DOCK6: variants seen among roughly 807,000 people sequenced by gnomAD.
DOCK6 encodes dedicator of cytokinesis 6.
DOCK6 carries 167 observed loss-of-function variants against 230.3 expected under a neutral mutation model. The observed-to-expected ratio is 0.73, with a 90% CI of 0.64 to 0.82. DOCK6 has a LOEUF of 0.82. Among genes scored for constraint, DOCK6 ranks in the 40% least tolerant of loss-of-function variants. The pLI, the probability that DOCK6 is intolerant of heterozygous loss-of-function variation, is 0.00. For synonymous variants in DOCK6, 1,148 were observed against 1,185.0 expected (o/e 0.97, Z 0.64); for missense variants, 2,598 against 2,825.8 (o/e 0.92, Z 1.83).
chr19:11,239,092 C>T (rs767194281), intron 14 of DOCK6, among the ~76,000 whole-genome samples: 7 of 152,122 alleles, frequency 4.6e-5, no homozygotes, highest in Admixed American at 1.3e-4. Context: ...CAATCACCCA[C>T]GGAGTAAAAT....
At chr19:11,232,737 T>C (rs1338353609) in intron 22 of DOCK6, among the ~76,000 whole-genome samples, 1 of 152,038 alleles carries the variant, frequency 6.6e-6, no homozygotes, top group Non-Finnish European at 1.5e-5. Context: ...TACGTGCCCA[T>C]GTACATATAT....
chr19:11,211,056 A>C, intron 37 of DOCK6, among the ~76,000 whole-genome samples: 5 of 145,630 alleles, frequency 3.4e-5, no homozygotes, highest in African/African-American at 5.2e-5. Context: ...CATCCATCCT[A>C]CTCACCTGTC....
chr19:11,222,108 C>T lies in DOCK6; in HGVS notation c.3380+1G>A. ...TGGGGCTAGACAGGAGCTCTGCTCA[C>T]CCTTCAGCCTCAGGTTCGAGGGCCA... On this transcript the variant is annotated splice_donor_variant, in intron 27 of 47. Transcript: ENST00000294618. LOFTEE classifies it high-confidence loss of function. This position sits in a 1 kb window ranked among gnomAD's most constrained non-coding sequence, Gnocchi z 4.0. The T allele has an allele frequency of 6.2e-7, 1 of 1,612,898 alleles. No individual in the cohort carries two copies. Among genetic ancestry groups the T allele is most frequent in the Non-Finnish European group, 8.5e-7 (1 of 1,179,422 alleles).
intron 1 of DOCK6, among the ~76,000 whole-genome samples, chr19:11,254,886 G>C (rs1486757611): frequency 6.6e-6 from 1 of 152,212 alleles, no homozygotes; most frequent in Non-Finnish European, 1.5e-5. Context: ...CAGGTGCAAA[G>C]GACCTGAGTT....
intron 39 of DOCK6, among the ~76,000 whole-genome samples, chr19:11,206,827 TGTG>T (rs1384527902): frequency 3.6e-5 from 3 of 84,038 alleles, no homozygotes; most frequent in Non-Finnish European, 4.7e-5. Flanking sequence ...AGCTGGGATT[TGTG>T]GTGGTTTTTT....
In DOCK6 at chr19:11,237,732, A is replaced by T; in HGVS notation, c.1880T>A (p.Val627Glu). The T allele has an allele frequency of 6.3e-7, 1 of 1,581,198 alleles. No individual in the cohort carries two copies. Among genetic ancestry groups the T allele is most frequent in the Admixed American group, 1.8e-5 (1 of 54,324 alleles). The change falls in exon 17 of 48, where the codon GTG (valine) becomes GAG (glutamate). Residue 627 changes from valine to glutamate, a missense_variant. Physicochemically the swap from Val to Glu is moderately radical, Grantham distance 121 (BLOSUM62 -2). Transcript: ENST00000294618. Reference sequence around the variant, plus strand: ...GAACAGCAGGTGATGGTTCTCTGTCACGCAGGCTGGAAGATGCAGCTTGAA... The same window carrying T: ...GAACAGCAGGTGATGGTTCTCTGTCTCGCAGGCTGGAAGATGCAGCTTGAA... ...EEFKLHLPAC[V>E]TENHHLLFTF...
chr19:11,228,849 AC>A, intron 23 of DOCK6, 90 bp downstream of exon 23: 1 of 1,275,528 alleles, frequency 7.8e-7, no homozygotes, highest in Non-Finnish European at 1.1e-6. Context: ...GGTGTGAGCC[AC>A]TATGCCTGGC....
Position 11,262,469 on chromosome 19 carries a change from G to C in DOCK6, c.-29C>G. 2.6e-6 allele frequency: 3 copies of C among 1,150,656 alleles called. No homozygotes were observed. Among genetic ancestry groups the C allele is most frequent in the East Asian group, 4.0e-5 (1 of 24,804 alleles). The allele number at this position is 1,150,656 out of a possible 1,614,324, so 71.3% of individuals were successfully genotyped here. On this transcript the variant is annotated 5_prime_UTR_variant, in exon 1 of 48. Transcript: ENST00000294618. ...CCTCGCGTCCCGCCGCCGCCGCCCCGGGCCCCGGCCCCGCCGCCGCCGCCG... is the reference window on the plus strand; with the variant it reads ...CCTCGCGTCCCGCCGCCGCCGCCCCCGGCCCCGGCCCCGCCGCCGCCGCCG...
At chr19:11,251,142 CT>C in intron 5 of DOCK6, 56 bp from the exon 6 acceptor site, 1 of 1,496,188 alleles carries the variant, frequency 6.7e-7, no homozygotes, top group Non-Finnish European at 9.1e-7. Context: ...CTTCACCTCA[CT>C]CTGGTGAGAG....
intron 5 of DOCK6, chr19:11,251,912 C>T (rs537282078): frequency 2.9e-6 from 2 of 680,660 alleles, no homozygotes; most frequent in South Asian, 3.9e-5. Context: ...AGGATGAAAG[C>T]AGAGGACACA....
intron 39 of DOCK6, 35 bp downstream of exon 39, chr19:11,208,651 G>A (rs778636637): frequency 2.2e-5 from 35 of 1,590,466 alleles, no homozygotes; most frequent in East Asian, 9.0e-5. Flanking sequence ...CCTGGCCCGA[G>A]CCCCCTCTCC....
rs1372903813 is a variant in DOCK6 at position 11,237,640 on chromosome 19, C to T, written c.1971+1G>A. ...GGGGAGGGAGGGAGGGGACGGCTCA[C>T]AGTAAAGCCCACGGGTGTCTCCAGG... On this transcript the variant is annotated splice_donor_variant, in intron 17 of 47. Coordinates refer to ENST00000294618, the MANE Select transcript of DOCK6 (RefSeq NM_020812.4). LOFTEE classifies it high-confidence loss of function. The T allele has an allele frequency of 6.3e-7, 1 of 1,595,022 alleles. No homozygotes were observed. The highest frequency in any genetic ancestry group is 1.8e-5 in the Admixed American group (1 of 56,702).
chr19:11,243,543 C>A lies in DOCK6; in HGVS notation c.1258+14G>T, dbSNP rs770865631. 2 of 1,587,706 alleles carry A rather than the reference C, an allele frequency of 1.3e-6. No individual in the cohort carries two copies. The highest frequency in any genetic ancestry group is 1.8e-5 in the Admixed American group (1 of 56,472). ...TTTAGCCCCGCCCCAAGCCTGTTAG[C>A]CCCGCCTCCTCACCGCCCTCCGAGT... On this transcript the variant is annotated intron_variant, in intron 11 of 47. Coordinates refer to ENST00000294618, the MANE Select transcript of DOCK6 (RefSeq NM_020812.4). The surrounding 1 kb of genome is among the most constrained non-coding windows in gnomAD (Gnocchi z 6.3).
In DOCK6 at chr19:11,259,683, G is replaced by A. The variant is rs573463762; in HGVS notation, c.44+2714C>T. On this transcript the variant is annotated intron_variant, in intron 1 of 47. Transcript: ENST00000294618. Reference sequence around the variant, plus strand: ...AGCAATTCTCCTGCCTAAGCCTCCCGAGTAGCTGGGATTACAGGCGTGCGT... The same window carrying A: ...AGCAATTCTCCTGCCTAAGCCTCCCAAGTAGCTGGGATTACAGGCGTGCGT... Among the ~76,000 whole-genome samples, 4 of 147,114 alleles carry A rather than the reference G, an allele frequency of 2.7e-5. No individual in the cohort carries two copies. The East Asian group carries it at 6.1e-4, about 22-fold the overall frequency.
At chr19:11,229,487 G>A (rs552967347) in intron 22 of DOCK6, 151 of 507,768 alleles carry the variant, frequency 3.0e-4, no homozygotes, top group African/African-American at 1.4e-3. Context: ...CAGGGATGGG[G>A]AAAAGAGGTA....
chr19:11,211,535 CT>C (rs1279408294), intron 37 of DOCK6, among the ~76,000 whole-genome samples: 1 of 146,348 alleles, frequency 6.8e-6, no homozygotes, highest in African/African-American at 2.5e-5. Flanking sequence ...GTCTGCTCCC[CT>C]ATCCCCCTTA....
In DOCK6 at chr19:11,202,827, G is replaced by T; in HGVS notation, c.5236-118C>A. On this transcript the variant is annotated intron_variant, in intron 41 of 47. Transcript: ENST00000294618. This position sits in a 1 kb window ranked among gnomAD's most constrained non-coding sequence, Gnocchi z 5.3. ...GTGTGAGGACCCCGAGAACATCAGG[G>T]CATGGGCACAGGCAGGGGGCCCTGA... The T allele has an allele frequency of 6.5e-7, 1 of 1,533,482 alleles. No homozygotes were observed. The highest frequency in any genetic ancestry group is 1.7e-5 in the Admixed American group (1 of 58,844). The allele number at this position is 1,533,482 out of a possible 1,614,324, so 95.0% of individuals were successfully genotyped here.
In DOCK6 at chr19:11,242,224, C is replaced by A. The variant is rs563886967; in HGVS notation, c.1481-17G>T. Reference sequence around the variant, plus strand: ...TGAGCTGGGCTGGGAAGGGAAGAACCGGTTTGCACCTGCCTGGGAGCCTCC... The same window carrying A: ...TGAGCTGGGCTGGGAAGGGAAGAACAGGTTTGCACCTGCCTGGGAGCCTCC... On this transcript the variant is annotated splice_polypyrimidine_tract_variant and intron_variant, in intron 13 of 47. Transcript: ENST00000294618. The A allele has an allele frequency of 5.8e-5, 84 of 1,440,016 alleles. No individual in the cohort carries two copies. The South Asian group carries it at 1.4e-3, about 23-fold the overall frequency. The allele number at this position is 1,440,016 out of a possible 1,614,324, so 89.2% of individuals were successfully genotyped here. A position where few individuals can be genotyped will look rare whatever the true frequency, so the allele number is the denominator to read the frequency against.
At chr19:11,251,132 C>A (rs375143167) in intron 5 of DOCK6, 46 bp from the exon 6 acceptor site, 6 of 1,537,228 alleles carry the variant, frequency 3.9e-6, no homozygotes, top group Non-Finnish European at 4.4e-6. Flanking sequence ...CTGTATACAC[C>A]TTCACCTCAC....
Sources: gnomAD v4.1 joint callset for allele counts (sites outside exome capture counted in the v4.1 genomes callset) on GRCh38, gnomAD v4.1.1 for gene constraint, Gnocchi (gnomAD v3.1) non-coding constraint, MANE v1.5 for transcripts, NCBI Gene and HGNC (gene_info 2026-07-23, HGNC 2026-07-21) for gene names.